The following ERBB4 variants were observed in gnomAD, a reference collection of about 807,000 sequenced individuals.
The protein encoded by ERBB4 is receptor tyrosine-protein kinase erbB-4.
ERBB4 carries 42 observed loss-of-function variants against 158.0 expected under a neutral mutation model. The observed-to-expected ratio is 0.27, with a 90% CI of 0.21 to 0.34. ERBB4 has a LOEUF of 0.34. Among genes scored for constraint, ERBB4 ranks in the 10% least tolerant of loss-of-function variants. The pLI, the probability that ERBB4 is intolerant of heterozygous loss-of-function variation, is 1.00. For synonymous variants in ERBB4, 583 were observed against 558.7 expected (o/e 1.04, Z -0.61); for missense variants, 1,333 against 1,624.1 (o/e 0.82, Z 3.08).
At chr2:211,714,320 A>G (rs916253186) in intron 7 of ERBB4, among the ~76,000 whole-genome samples, 2 of 152,182 alleles carry the variant, frequency 1.3e-5, no homozygotes, top group Non-Finnish European at 2.9e-5. Context: ...CTCTCACAAT[A>G]AATAGGAAAC....
intron 1 of ERBB4, among the ~76,000 whole-genome samples, chr2:212,384,639 T>C (rs1461264137): frequency 6.6e-6 from 1 of 151,628 alleles, no homozygotes; most frequent in Non-Finnish European, 1.5e-5. Flanking sequence ...AAGAGCAATA[T>C]ATGTACAAAA....
intron 1 of ERBB4, among the ~76,000 whole-genome samples, chr2:212,483,769 C>T (rs1056405787): frequency 3.0e-4 from 45 of 152,186 alleles, no homozygotes; most frequent in Admixed American, 2.6e-3. Flanking sequence ...CTGAGTCTTG[C>T]TCTATTGCCC....
At chr2:211,886,097 A>G (rs1325357593) in intron 3 of ERBB4, among the ~76,000 whole-genome samples, 1 of 152,180 alleles carries the variant, frequency 6.6e-6, no homozygotes, top group African/African-American at 2.4e-5. Context: ...TTTTTAGATG[A>G]TATCTTCTTG....
chr2:212,195,560 A>T (rs1427221435), intron 1 of ERBB4, among the ~76,000 whole-genome samples: 1 of 152,040 alleles, frequency 6.6e-6, no homozygotes, highest in African/African-American at 2.4e-5. Context: ...TAGGCTTCCT[A>T]ATTTATTAAA....
At chr2:212,500,637 T>C (rs1283890802) in intron 1 of ERBB4, among the ~76,000 whole-genome samples, 1 of 152,128 alleles carries the variant, frequency 6.6e-6, no homozygotes, top group Non-Finnish European at 1.5e-5. Flanking sequence ...TAAGAATATT[T>C]AGAATATCTA....
intron 1 of ERBB4, among the ~76,000 whole-genome samples, chr2:212,488,251 T>C (rs1417234682): frequency 6.6e-6 from 1 of 152,074 alleles, no homozygotes; most frequent in Non-Finnish European, 1.5e-5. Context: ...CTCTCTTGGC[T>C]TCTTGAATAC....
intron 2 of ERBB4, among the ~76,000 whole-genome samples, chr2:212,010,873 T>C (rs1026531781): frequency 2.6e-5 from 4 of 152,126 alleles, no homozygotes; most frequent in African/African-American, 4.8e-5. Flanking sequence ...TTAATATTAA[T>C]ATTCCTTGCT....
Position 212,320,283 on chromosome 2 carries a change from T to C in ERBB4, c.83-195380A>G, listed in dbSNP as rs181273918. On this transcript the variant is annotated intron_variant, in intron 1 of 27. Coordinates refer to ENST00000342788, the MANE Select transcript of ERBB4 (RefSeq NM_005235.3). Reference sequence around the variant, plus strand: ...TAGCCTACCAAATCCCTTACCTACTTTCTTAGGGGAATGAAATGCAGTTTC... The same window carrying C: ...TAGCCTACCAAATCCCTTACCTACTCTCTTAGGGGAATGAAATGCAGTTTC... Among the ~76,000 whole-genome samples, 118 of 149,562 alleles carry C rather than the reference T, an allele frequency of 7.9e-4. 4 individuals carry two copies. Among genetic ancestry groups the C allele is most frequent in the African/African-American group, 2.6e-3 (109 of 41,202 alleles).
chr2:211,396,176 T>C (rs1015467538), intron 25 of ERBB4, among the ~76,000 whole-genome samples: 1 of 152,118 alleles, frequency 6.6e-6, no homozygotes, highest in Admixed American at 6.5e-5. Flanking sequence ...GTTAGATATA[T>C]ATATGTGCAT....
chr2:211,518,340 A>G (rs1235979700), intron 20 of ERBB4, among the ~76,000 whole-genome samples: 2 of 152,004 alleles, frequency 1.3e-5, no homozygotes, highest in Non-Finnish European at 2.9e-5. Flanking sequence ...TAAGTTTGTC[A>G]TTGAATTTGT....
intron 1 of ERBB4, among the ~76,000 whole-genome samples, chr2:212,131,510 C>A (rs745856170): frequency 3.3e-5 from 5 of 152,124 alleles, no homozygotes; most frequent in Non-Finnish European, 7.4e-5. Flanking sequence ...GGAGACACAA[C>A]AGTTATTCCA....
intron 20 of ERBB4, among the ~76,000 whole-genome samples, chr2:211,452,697 A>C (rs1559182503): frequency 6.6e-6 from 1 of 152,262 alleles, no homozygotes; most frequent in East Asian, 1.9e-4. Flanking sequence ...ATTACCAGAT[A>C]ATTTCTTTGA....
At chr2:212,122,599 A>T (rs1000371916) in intron 2 of ERBB4, among the ~76,000 whole-genome samples, 1 of 151,992 alleles carries the variant, frequency 6.6e-6, no homozygotes, top group Non-Finnish European at 1.5e-5. Flanking sequence ...ACTTTTTCCA[A>T]ATCTGTTCAT....
At chr2:211,947,942 A>G (rs527900994) in intron 2 of ERBB4, among the ~76,000 whole-genome samples, 4 of 152,308 alleles carry the variant, frequency 2.6e-5, no homozygotes, top group South Asian at 2.1e-4. Context: ...ACAGACTACA[A>G]TAAGTTAAGG....
At chr2:211,675,679 G>A (rs1235151319) in intron 13 of ERBB4, among the ~76,000 whole-genome samples, 1 of 150,132 alleles carries the variant, frequency 6.7e-6, no homozygotes, top group Non-Finnish European at 1.5e-5. Flanking sequence ...GCCAGTAATT[G>A]ACTGATTTTC....
intron 3 of ERBB4, among the ~76,000 whole-genome samples, chr2:211,833,179 T>G (rs1363816006): frequency 6.6e-6 from 1 of 152,100 alleles, no homozygotes; most frequent in Non-Finnish European, 1.5e-5. Context: ...TGACCTTGGG[T>G]GCAAGTGCAG....
At chr2:211,558,969 A>C (rs1432265561) in intron 20 of ERBB4, among the ~76,000 whole-genome samples, 1 of 152,140 alleles carries the variant, frequency 6.6e-6, no homozygotes, top group Non-Finnish European at 1.5e-5. Flanking sequence ...ATAATTCCTA[A>C]ATGTATATAT....
At chr2:211,529,700 A>G (rs979078697) in intron 20 of ERBB4, among the ~76,000 whole-genome samples, 2 of 152,280 alleles carry the variant, frequency 1.3e-5, no homozygotes, top group African/African-American at 2.4e-5. Flanking sequence ...AACATATGCA[A>G]ATCAACTAAT....
chr2:211,885,163 T>C (rs1391401418), intron 3 of ERBB4, among the ~76,000 whole-genome samples: 2 of 152,120 alleles, frequency 1.3e-5, no homozygotes, highest in African/African-American at 4.8e-5. Context: ...CTCTTCAATT[T>C]CAATATGGCC....
Sources: gnomAD v4.1 joint callset for allele counts (sites outside exome capture counted in the v4.1 genomes callset) on GRCh38, gnomAD v4.1.1 for gene constraint, MANE v1.5 for transcripts, NCBI Gene and HGNC (gene_info 2026-07-23, HGNC 2026-07-21) for gene names.